Variants in ADGRG7 observed in about 807,000 individuals in gnomAD.
The protein encoded by ADGRG7 is adhesion G protein-coupled receptor G7.
In ADGRG7, 82 loss-of-function variants were observed where a neutral mutation model predicts 88.6. That is an observed-to-expected ratio of 0.93 (90% CI 0.77 to 1.11). The LOEUF is 1.11. Among genes scored for constraint, ADGRG7 ranks in the 50% most tolerant of loss-of-function variants. ADGRG7 has a pLI of 0.00. For synonymous variants in ADGRG7, 381 were observed against 345.2 expected (o/e 1.10, Z -1.15); for missense variants, 945 against 953.4 (o/e 0.99, Z 0.12).
At chr3:100,624,185 G>A (rs968011412) in intron 1 of ADGRG7, among the ~76,000 whole-genome samples, 1 of 152,054 alleles carries the variant, frequency 6.6e-6, no homozygotes, top group African/African-American at 2.4e-5. Flanking sequence ...TTTCTCCACA[G>A]CCTTGCCAGC....
chr3:100,671,853 G>A lies in ADGRG7; in HGVS notation c.2136+2748G>A, dbSNP rs543813241. 2.1e-4 allele frequency among the ~76,000 whole-genome samples: 32 copies of A among 152,188 alleles called. 1 individual carries two copies. Among genetic ancestry groups the A allele is most frequent in the African/African-American group, 6.5e-4 (27 of 41,540 alleles). On this transcript the variant is annotated intron_variant, in intron 15 of 15. Transcript: ENST00000273352. ...CTTGTGTGTGTCAGATTTGTCAAAG[G>A]TCAGATGGTTGTAGATGTGTGGTGT...
chr3:100,648,801 A>C (rs56119609), intron 10 of ADGRG7, among the ~76,000 whole-genome samples: 1 of 151,970 alleles, frequency 6.6e-6, no homozygotes, highest in Admixed American at 6.6e-5. Context: ...AACTTAAAAA[A>C]ATCAGAAAGT....
At chr3:100,649,888 T>G (rs1427157576) in intron 11 of ADGRG7, 81 bp downstream of exon 11, 1 of 753,496 alleles carries the variant, frequency 1.3e-6, no homozygotes, top group African/African-American at 1.8e-5. Context: ...ATGAGTAGTG[T>G]CTTTGAACTA....
chr3:100,613,947 A>G (rs1171505617), intron 1 of ADGRG7, among the ~76,000 whole-genome samples: 1 of 152,206 alleles, frequency 6.6e-6, no homozygotes, highest in Non-Finnish European at 1.5e-5. Context: ...CAAATTATTA[A>G]CTTTGAGCAA....
chr3:100,654,704 T>A, intron 11 of ADGRG7, 131 bp from the exon 12 acceptor site: 1 of 585,182 alleles, frequency 1.7e-6, no homozygotes, highest in Non-Finnish European at 3.0e-6. Flanking sequence ...TTACCAGCTG[T>A]CACAACTGGG....
intron 10 of ADGRG7, among the ~76,000 whole-genome samples, chr3:100,648,220 CT>C (rs1208188832): frequency 6.6e-6 from 1 of 151,994 alleles, no homozygotes; most frequent in Non-Finnish European, 1.5e-5. Context: ...GCTATTTTTT[CT>C]CATTAGTATC....
intron 6 of ADGRG7, among the ~76,000 whole-genome samples, chr3:100,642,612 A>G (rs1707661337): frequency 6.6e-6 from 1 of 152,214 alleles, no homozygotes. Context: ...GAAACAAGAA[A>G]AAGAAAAGGT....
intron 8 of ADGRG7, among the ~76,000 whole-genome samples, chr3:100,644,138 T>G (rs1278559157): frequency 2.0e-5 from 3 of 152,060 alleles, no homozygotes; most frequent in Non-Finnish European, 4.4e-5. Flanking sequence ...ACATATAACC[T>G]TTCAGAAATT....
At chr3:100,663,964 CG>C (rs1332468469) in intron 14 of ADGRG7, among the ~76,000 whole-genome samples, 1 of 151,918 alleles carries the variant, frequency 6.6e-6, no homozygotes, top group East Asian at 1.9e-4. Flanking sequence ...GATGTTTTAA[CG>C]TTATTATCTA....
At chr3:100,636,160 T>A (rs995691961) in intron 5 of ADGRG7, among the ~76,000 whole-genome samples, 1 of 152,206 alleles carries the variant, frequency 6.6e-6, no homozygotes, top group Non-Finnish European at 1.5e-5. Flanking sequence ...ATTCAGGGGT[T>A]CAAGTGATTC....
chr3:100,692,838 C>T (rs924213129), intron 15 of ADGRG7, among the ~76,000 whole-genome samples: 1 of 152,122 alleles, frequency 6.6e-6, no homozygotes, highest in African/African-American at 2.4e-5. Context: ...TCACCCCTTA[C>T]CTACTCAACC....
intron 11 of ADGRG7, among the ~76,000 whole-genome samples, chr3:100,652,347 G>T (rs1036281697): frequency 2.0e-5 from 3 of 151,994 alleles, no homozygotes; most frequent in Non-Finnish European, 4.4e-5. Flanking sequence ...ATACATAATG[G>T]GCAAATAGAC....
At chr3:100,642,085 A>C (rs936289233) in intron 6 of ADGRG7, among the ~76,000 whole-genome samples, 5 of 152,228 alleles carry the variant, frequency 3.3e-5, no homozygotes, top group African/African-American at 1.2e-4. Flanking sequence ...GCAACCCTGT[A>C]AAAGTGGGAA....
chr3:100,677,817 A>G (rs2094967660), intron 15 of ADGRG7, among the ~76,000 whole-genome samples: 1 of 152,010 alleles, frequency 6.6e-6, no homozygotes, highest in Non-Finnish European at 1.5e-5. Context: ...GTTGTATATT[A>G]TTTGTTTATT....
chr3:100,652,122 T>A (rs2094930369), intron 11 of ADGRG7, among the ~76,000 whole-genome samples: 1 of 152,114 alleles, frequency 6.6e-6, no homozygotes, highest in African/African-American at 2.4e-5. Context: ...TAGACTCTAA[T>A]CTTACTTTTA....
Position 100,669,026 on chromosome 3 carries a change from T to C in ADGRG7, c.2057T>C (p.Leu686Pro). The C allele has an allele frequency of 1.2e-6, 2 of 1,606,492 alleles. No individual in the cohort carries two copies. The highest frequency in any genetic ancestry group is 1.7e-6 in the Non-Finnish European group (2 of 1,176,714). ...GTTGTTTTTGGAATTACCTGGATTC[T>C]AGCATACCTGATGCTAGTTAATGAT... is the stretch of plus-strand genomic sequence containing the variant. Reference protein sequence around the residue: ...VAVVFGITWILAYLMLVNDDS... With the variant: ...VAVVFGITWIPAYLMLVNDDS... The change falls in exon 15 of 16, where the codon CTA becomes CCA. Residue 686 changes from leucine to proline, a missense_variant. Coordinates refer to ENST00000273352, the MANE Select transcript of ADGRG7 (RefSeq NM_032787.3).
intron 15 of ADGRG7, among the ~76,000 whole-genome samples, chr3:100,677,362 T>C (rs1396438596): frequency 6.6e-6 from 1 of 152,106 alleles, no homozygotes; most frequent in Non-Finnish European, 1.5e-5. Flanking sequence ...TAATAAAAAC[T>C]CTATAACTTT....
At chr3:100,677,404 T>G (rs2094966917) in intron 15 of ADGRG7, among the ~76,000 whole-genome samples, 1 of 152,246 alleles carries the variant, frequency 6.6e-6, no homozygotes, top group Non-Finnish European at 1.5e-5. Context: ...TATTATACTG[T>G]CTTGAAAAGT....
chr3:100,682,287 G>A (rs1200438768), intron 15 of ADGRG7, among the ~76,000 whole-genome samples: 1 of 152,180 alleles, frequency 6.6e-6, no homozygotes, highest in Non-Finnish European at 1.5e-5. Flanking sequence ...AGGAGGAACT[G>A]GGTCTGGGGC....
Sources: gnomAD v4.1 joint callset for allele counts (sites outside exome capture counted in the v4.1 genomes callset) on GRCh38, gnomAD v4.1.1 for gene constraint, MANE v1.5 for transcripts, NCBI Gene and HGNC (gene_info 2026-07-23, HGNC 2026-07-21) for gene names.